Variants in AHNAK observed in about 807,000 individuals in gnomAD.
The protein encoded by AHNAK is AHNAK nucleoprotein.
AHNAK carries 23 observed loss-of-function variants against 37.8 expected under a neutral mutation model. The ratio of observed to expected loss-of-function variants is 0.61; its 90% CI spans 0.44 to 0.86. AHNAK has a LOEUF of 0.86. Ranked by LOEUF, AHNAK falls within the 40% of genes least tolerant of loss-of-function variation. The pLI, the probability that AHNAK is intolerant of heterozygous loss-of-function variation, is 0.00. For missense variants in AHNAK, 7,411 were observed against 7,319.4 expected (o/e 1.01, Z -0.46); for synonymous variants, 2,481 against 2,636.3 (o/e 0.94, Z 1.80).
At chr11:62,509,596 T>A (rs184661053) in intron 4 of AHNAK, among the ~76,000 whole-genome samples, 3 of 151,004 alleles carry the variant, frequency 2.0e-5, no homozygotes, top group African/African-American at 7.3e-5. Flanking sequence ...CTAAACATCA[T>A]GTGAGGTCAT....
intron 4 of AHNAK, among the ~76,000 whole-genome samples, chr11:62,506,424 A>G (rs971203788): frequency 6.6e-6 from 1 of 152,048 alleles, no homozygotes; most frequent in Non-Finnish European, 1.5e-5. Flanking sequence ...GGCTAAAATC[A>G]GCCTCGCCCT....
At chr11:62,458,979 G>A (rs993312875) in intron 5 of AHNAK, among the ~76,000 whole-genome samples, 1 of 152,068 alleles carries the variant, frequency 6.6e-6, no homozygotes, top group Non-Finnish European at 1.5e-5. Flanking sequence ...AACTAGGTAG[G>A]ATTGCCACCT....
rs74394752 is a variant in AHNAK, at chr11:62,446,911, C to T, written c.443-13020G>A. Among the ~76,000 whole-genome samples the T allele has an allele frequency of 8.0e-3, 1,223 of 152,210 alleles. 11 individuals carry two copies. Among genetic ancestry groups the T allele is most frequent in the Middle Eastern group, 0.017 (5 of 294 alleles). On this transcript the variant is annotated intron_variant, in intron 5 of 5. Transcript: ENST00000257247. ...GAAAAGATCTCCCTATGTCTGCCTCCTGCACCCAGTGATGGTGCCACCTCT... is the reference window on the plus strand; with the variant it reads ...GAAAAGATCTCCCTATGTCTGCCTCTTGCACCCAGTGATGGTGCCACCTCT...
chr11:62,456,027 G>A (rs1028433267), intron 5 of AHNAK, among the ~76,000 whole-genome samples: 6 of 152,006 alleles, frequency 3.9e-5, no homozygotes, highest in African/African-American at 7.2e-5. Flanking sequence ...CAACAAGAGC[G>A]AAACTGTCTC....
At chr11:62,458,581 G>A (rs1312806936) in intron 5 of AHNAK, among the ~76,000 whole-genome samples, 8 of 152,170 alleles carry the variant, frequency 5.3e-5, no homozygotes, top group Admixed American at 5.2e-4. Context: ...AGGGTGGGAG[G>A]AGGGCAGAAA....
In AHNAK at chr11:62,533,479, T is replaced by A. The variant is rs144146733; in HGVS notation, c.938A>T (p.Lys313Ile). 1 of 1,614,144 alleles carries A rather than the reference T, an allele frequency of 6.2e-7. No homozygotes were observed. Among genetic ancestry groups the A allele is most frequent in the African/African-American group, 1.3e-5 (1 of 75,028 alleles). Residue 313 changes from lysine (K) to isoleucine (I), a missense_variant, in exon 5 of 5, where the codon AAA becomes ATA. By Grantham distance (102) the Lys-to-Ile change is moderately radical. Transcript: ENST00000378024. ...CTCACGCCCTGTTGAGACACCAAAT[T>A]TCGGCACTTTCATGGTGGGAAATTT... ...KIKFPTMKVPKFGVSTGREGQ... is the reference protein window; with the variant it reads ...KIKFPTMKVPIFGVSTGREGQ...
At chr11:62,447,337 C>T (rs1031671776) in intron 5 of AHNAK, among the ~76,000 whole-genome samples, 1 of 152,116 alleles carries the variant, frequency 6.6e-6, no homozygotes, top group African/African-American at 2.4e-5. Flanking sequence ...GTCCTTCTGC[C>T]CAGTGGGATC....
intron 4 of AHNAK, among the ~76,000 whole-genome samples, chr11:62,498,214 A>G (rs534205583): frequency 6.6e-6 from 1 of 152,228 alleles, no homozygotes; most frequent in Admixed American, 6.5e-5. Flanking sequence ...CTAACCCACA[A>G]AACTCTAGGC....
chr11:62,519,083 T>C lies in AHNAK; in HGVS notation c.15334A>G (p.Lys5112Glu), dbSNP rs1940132781. Residue 5112 changes from lysine to glutamate, a missense_variant, in exon 5 of 5, where the codon AAA becomes GAA. Coordinates refer to ENST00000378024, the MANE Select transcript of AHNAK (RefSeq NM_001620.3). ...FKAEAPLPSP[K>E]LEGELQAPDL... ...GGTGCCTGGAGTTCACCCTCCAGTT[T>C]GGGGCTAGGGAGAGGGGCCTCAGCT... is the stretch of plus-strand genomic sequence containing the variant. 1.9e-6 allele frequency: 3 copies of C among 1,613,228 alleles called. No individual in the cohort carries two copies. The highest frequency in any genetic ancestry group is 2.7e-5 in the African/African-American group (2 of 74,872).
intron 5 of AHNAK, among the ~76,000 whole-genome samples, chr11:62,459,161 A>C (rs1467600347): frequency 6.6e-6 from 1 of 152,082 alleles, no homozygotes; most frequent in East Asian, 1.9e-4. Context: ...TCCCCAAAGC[A>C]CTCATACTTG....
chr11:62,454,771 G>T (rs1938620697), intron 5 of AHNAK, among the ~76,000 whole-genome samples: 1 of 151,930 alleles, frequency 6.6e-6, no homozygotes, highest in Admixed American at 6.6e-5. Flanking sequence ...TTTAATGAGT[G>T]ATCTCCCCAC....
At chr11:62,478,412 A>G (rs2134864536) in intron 5 of AHNAK, among the ~76,000 whole-genome samples, 1 of 152,282 alleles carries the variant, frequency 6.6e-6, no homozygotes, top group East Asian at 1.9e-4. Context: ...CTTCTCCCAA[A>G]TTATTGCCCC....
chr11:62,541,304 G>A (rs544031720), intron 1 of AHNAK, among the ~76,000 whole-genome samples: 19 of 152,320 alleles, frequency 1.2e-4, no homozygotes, highest in Admixed American at 7.8e-4. Context: ...CACCCCATCC[G>A]TGGTAGGGAG....
intron 4 of AHNAK, among the ~76,000 whole-genome samples, chr11:62,501,490 C>A (rs1300949105): frequency 6.6e-6 from 1 of 152,198 alleles, no homozygotes; most frequent in Non-Finnish European, 1.5e-5. Context: ...TTGCTTGAAC[C>A]CGGGAGGTGG....
chr11:62,449,092 G>A lies in AHNAK; in HGVS notation c.443-15201C>T, dbSNP rs1208223149. ...CAAAGATAATAATAATAATAATAAAGTTCTGGGAATGGGTAAGGCTCACCA... is the reference window on the plus strand; with the variant it reads ...CAAAGATAATAATAATAATAATAAAATTCTGGGAATGGGTAAGGCTCACCA... On this transcript the variant is annotated intron_variant, in intron 5 of 5. Coordinates refer to the AHNAK transcript ENST00000257247. 3.9e-5 allele frequency among the ~76,000 whole-genome samples: 6 copies of A among 152,042 alleles called. No individual in the cohort carries two copies. In the East Asian group the frequency reaches 1.2e-3, roughly 29 times the overall value.
chr11:62,452,440 G>A (rs1426451753), intron 5 of AHNAK, among the ~76,000 whole-genome samples: 1 of 152,186 alleles, frequency 6.6e-6, no homozygotes, highest in Non-Finnish European at 1.5e-5. Context: ...CACAGGTCAA[G>A]GGCTGAGAGG....
At chr11:62,475,602 C>CGTTTT (rs1484963988) in intron 5 of AHNAK, among the ~76,000 whole-genome samples, 1 of 118,054 alleles carries the variant, frequency 8.5e-6, no homozygotes, top group Non-Finnish European at 1.6e-5. Context: ...TTATGTTATA[C>CGTTTT]TTTTTTTTTT....
chr11:62,450,783 G>A (rs1938520516), intron 5 of AHNAK, among the ~76,000 whole-genome samples: 1 of 152,292 alleles, frequency 6.6e-6, no homozygotes, highest in Non-Finnish European at 1.5e-5. Flanking sequence ...TTCAGACTGG[G>A]ACGCCTCTCT....
intron 2 of AHNAK, 129 bp from the exon 3 acceptor site, chr11:62,536,227 C>T (rs1326933976): frequency 2.0e-6 from 2 of 992,714 alleles, no homozygotes; most frequent in Non-Finnish European, 2.8e-6. Flanking sequence ...CCTGCCCCTG[C>T]AGCTGGCTCA....
Sources: gnomAD v4.1 joint callset for allele counts (sites outside exome capture counted in the v4.1 genomes callset) on GRCh38, gnomAD v4.1.1 for gene constraint, MANE v1.5 for transcripts, NCBI Gene and HGNC (gene_info 2026-07-23, HGNC 2026-07-21) for gene names.